The following PTPRK variants were observed in gnomAD, a reference collection of about 807,000 sequenced individuals.
PTPRK encodes protein tyrosine phosphatase receptor type K.
A neutral mutation model predicts 178.0 loss-of-function variants in PTPRK; 75 were observed. The ratio of observed to expected loss-of-function variants is 0.42; its 90% CI spans 0.35 to 0.51. The LOEUF (loss-of-function observed/expected upper bound fraction) is 0.51, where lower values mean the gene tolerates loss of function less well. Among genes scored for constraint, PTPRK ranks in the 20% least tolerant of loss-of-function variants. The pLI, the probability that PTPRK is intolerant of heterozygous loss-of-function variation, is 0.02. For missense variants in PTPRK, 1,441 were observed against 1,797.8 expected, an observed-to-expected ratio of 0.80 and a Z score of 3.59; for synonymous variants, 637 against 620.6, an observed-to-expected ratio of 1.03 and a Z score of -0.39.
intron 5 of PTPRK, among the ~76,000 whole-genome samples, chr6:128,226,857 G>A (rs1271767320): frequency 6.9e-6 from 1 of 144,778 alleles, no homozygotes; most frequent in Admixed American, 7.1e-5. Flanking sequence ...GAGGCCAGAG[G>A]GACAGAGATG....
chr6:128,508,147 A>G (rs947660334), intron 1 of PTPRK, among the ~76,000 whole-genome samples: 1 of 152,136 alleles, frequency 6.6e-6, no homozygotes, highest in Admixed American at 6.5e-5. Context: ...TTACCAACAA[A>G]GCCCCAAGCT....
intron 3 of PTPRK, among the ~76,000 whole-genome samples, chr6:128,319,190 A>C (rs1828454479): frequency 6.6e-6 from 1 of 152,176 alleles, no homozygotes; most frequent in Non-Finnish European, 1.5e-5. Flanking sequence ...TCTCATTTCT[A>C]CTTGAAATTA....
At chr6:128,334,309 A>C (rs1422362695) in intron 2 of PTPRK, among the ~76,000 whole-genome samples, 1 of 152,192 alleles carries the variant, frequency 6.6e-6, no homozygotes, top group Non-Finnish European at 1.5e-5. Flanking sequence ...CAATGAGGCA[A>C]AGCACAATAA....
Position 128,108,069 on chromosome 6 carries a change from A to ACAC in PTPRK, c.1163-18078_1163-18077insGTG, listed in dbSNP as rs1790014802. On this transcript the variant is annotated intron_variant, in intron 7 of 29. Coordinates refer to ENST00000368226, the MANE Select transcript of PTPRK (RefSeq NM_002844.4). The stretch of plus-strand genomic sequence containing the variant: ...AACAAACCAAATCCCTAAATAGCAA[A>ACAC]ACACACACACACACACACACACACA... Among the ~76,000 whole-genome samples the ACAC allele has an allele frequency of 6.3e-4, 84 of 133,860 alleles. 1 individual carries two copies. The East Asian group carries it at 9.1e-3, about 14-fold the overall frequency. The allele number at this position is 133,860 out of a possible 152,430, so 87.8% of individuals were successfully genotyped here. A position where few individuals can be genotyped will look rare whatever the true frequency, so the allele number is the denominator to read the frequency against.
At chr6:128,376,928 T>C (rs986732756) in intron 2 of PTPRK, among the ~76,000 whole-genome samples, 1 of 152,306 alleles carries the variant, frequency 6.6e-6, no homozygotes, top group African/African-American at 2.4e-5. Context: ...CTGAGACCAC[T>C]TCAGTCTGGA....
At chr6:128,186,940 T>C (rs908874651) in intron 6 of PTPRK, among the ~76,000 whole-genome samples, 16 of 152,172 alleles carry the variant, frequency 1.1e-4, no homozygotes, top group African/African-American at 3.6e-4. Flanking sequence ...TGTGCAATAT[T>C]TGTTTTCATT....
intron 1 of PTPRK, among the ~76,000 whole-genome samples, chr6:128,498,427 T>C (rs1363248837): frequency 6.6e-6 from 1 of 152,224 alleles, no homozygotes; most frequent in Non-Finnish European, 1.5e-5. Flanking sequence ...CTCAGTTCAA[T>C]AAACAGCACT....
chr6:128,441,203 T>G (rs1375243514), intron 1 of PTPRK, among the ~76,000 whole-genome samples: 1 of 152,236 alleles, frequency 6.6e-6, no homozygotes, highest in Non-Finnish European at 1.5e-5. Context: ...TTTCCTTTTC[T>G]GTAAATGGTT....
chr6:128,158,730 T>G (rs1798287505), intron 7 of PTPRK, among the ~76,000 whole-genome samples: 1 of 151,980 alleles, frequency 6.6e-6, no homozygotes. Context: ...CTTGACCCGT[T>G]AAGTCACTCA....
rs1328468719 is a variant in PTPRK at position 128,190,796 on chromosome 6, G to GT, written c.869-6072_869-6071insA. Among the ~76,000 whole-genome samples the GT allele has an allele frequency of 7.9e-5, 12 of 152,258 alleles. No individual in the cohort carries two copies. In the East Asian group the frequency reaches 2.3e-3, roughly 29 times the overall value. On this transcript the variant is annotated intron_variant, in intron 6 of 29. Coordinates refer to ENST00000368226, the MANE Select transcript of PTPRK (RefSeq NM_002844.4). The stretch of plus-strand genomic sequence containing the variant: ...TTACAGTTGTGAGCCACCAGGCCTG[G>GT]CCTGGAGACCTTTTTCAAATCATAT...
chr6:128,137,044 T>C (rs1023693094), intron 7 of PTPRK, among the ~76,000 whole-genome samples: 28 of 152,168 alleles, frequency 1.8e-4, no homozygotes, highest in African/African-American at 6.8e-4. Flanking sequence ...TCTGTTTTGC[T>C]TGTAGGGTTC....
intron 2 of PTPRK, among the ~76,000 whole-genome samples, chr6:128,351,273 G>A (rs1230295654): frequency 6.6e-6 from 1 of 152,140 alleles, no homozygotes; most frequent in Non-Finnish European, 1.5e-5. Context: ...CACATCAACA[G>A]TATTCTTATT....
chr6:128,259,792 T>C (rs934577729), intron 3 of PTPRK, among the ~76,000 whole-genome samples: 4 of 152,196 alleles, frequency 2.6e-5, no homozygotes, highest in African/African-American at 7.2e-5. Context: ...CAGTTGAAGA[T>C]ATAACTTAAA....
chr6:128,226,147 CCATT>C lies in PTPRK; in HGVS notation c.694-7055_694-7052del, dbSNP rs1811255699. Among the ~76,000 whole-genome samples the C allele has an allele frequency of 2.0e-5, 3 of 152,168 alleles. No homozygotes were observed. In the South Asian group the frequency reaches 6.2e-4, roughly 32 times the overall value. On this transcript the variant is annotated intron_variant, in intron 5 of 29. Coordinates refer to ENST00000368226, the MANE Select transcript of PTPRK (RefSeq NM_002844.4). ...TACCCAGCTTCTAGCCCTGAAGTAA[CCATT>C]TGTGAGCTGAACAATTTCTCATTAC...
rs761644619 is a variant in PTPRK at position 127,973,682 on chromosome 6, C to T, written c.4115G>A (p.Arg1372Gln). 13 of 1,613,604 alleles carry T rather than the reference C, an allele frequency of 8.1e-6. No individual in the cohort carries two copies. The highest frequency in any genetic ancestry group is 2.7e-5 in the African/African-American group (2 of 74,872). ...WQEECEEGEGRTIIHCLNGGG... is the reference protein window; with the variant it reads ...WQEECEEGEGQTIIHCLNGGG... ...TACTCACAGGCAGTGGATAATCGTC[C>T]GGCCTTCCCCTTCCTCGCATTCCTC... Residue 1372 changes from arginine (R) to glutamine (Q), a missense_variant, in exon 28 of 30, where the codon CGG (arginine) becomes CAG (glutamine). Arg to Gln is a conservative substitution (Grantham distance 43, BLOSUM62 1). Transcript: ENST00000368226.
chr6:127,977,532 C>T (rs941304048), intron 25 of PTPRK, among the ~76,000 whole-genome samples: 15 of 152,262 alleles, frequency 9.9e-5, no homozygotes, highest in Admixed American at 4.6e-4. Flanking sequence ...TTGTTTTACT[C>T]TTCTCCACTC....
At chr6:128,344,382 C>A (rs1243067680) in intron 2 of PTPRK, among the ~76,000 whole-genome samples, 1 of 152,092 alleles carries the variant, frequency 6.6e-6, no homozygotes, top group South Asian at 2.1e-4. Flanking sequence ...ATGCTGAATT[C>A]GCTAACAATT....
At chr6:128,104,046 C>G (rs1406050691) in intron 7 of PTPRK, among the ~76,000 whole-genome samples, 1 of 152,188 alleles carries the variant, frequency 6.6e-6, no homozygotes, top group Non-Finnish European at 1.5e-5. Flanking sequence ...TTCTCTCTGC[C>G]TAGAATGTTA....
intron 7 of PTPRK, among the ~76,000 whole-genome samples, chr6:128,109,887 A>C (rs1790354147): frequency 1.3e-5 from 2 of 152,102 alleles, no homozygotes; most frequent in South Asian, 4.1e-4. Context: ...AAGTAAAGCA[A>C]GTGTATACAC....
Sources: allele counts gnomAD v4.1 joint callset (sites outside exome capture counted in the v4.1 genomes callset), GRCh38; gene constraint gnomAD v4.1.1; transcripts MANE v1.5; gene names NCBI Gene and HGNC (gene_info 2026-07-23, HGNC 2026-07-21).